The following CELF5 variants were observed in gnomAD, a reference collection of about 807,000 sequenced individuals.
CELF5 encodes the protein CUG-BP and ETR-3 like factor 5.
A neutral mutation model predicts 54.9 loss-of-function variants in CELF5; 6 were observed. That is an observed-to-expected ratio of 0.11 (90% CI 0.06 to 0.22). The LOEUF (loss-of-function observed/expected upper bound fraction) is 0.22. Among genes scored for constraint, CELF5 ranks in the 10% least tolerant of loss-of-function variants. The probability of loss-of-function intolerance (pLI) is 1.00; values close to 1 mark genes in which losing one functional copy is unlikely to be tolerated. For missense variants in CELF5, 401 were observed against 678.6 expected, an observed-to-expected ratio of 0.59 and a Z score of 4.54; for synonymous variants, 271 against 290.9, an observed-to-expected ratio of 0.93 and a Z score of 0.70.
rs2080037701 is a variant in CELF5 at position 3,275,743 on chromosome 19, C to T, written c.395-113C>T. ...GCGCAGAACCGGAGCCGGCAGGGCC[C>T]GGGCGCCGCGTCTTCCTGCCCTGCC... On this transcript the variant is annotated intron_variant, in intron 3 of 12. Transcript: ENST00000292672. This position sits in a 1 kb window ranked among gnomAD's most constrained non-coding sequence, Gnocchi z 6.7. 5 of 1,188,320 alleles carry T rather than the reference C, an allele frequency of 4.2e-6. No individual in the cohort carries two copies. Among genetic ancestry groups the T allele is most frequent in the Non-Finnish European group, 5.7e-6 (5 of 874,870 alleles). The allele number at this position is 1,188,320 out of a possible 1,614,324, so 73.6% of individuals were successfully genotyped here.
At chr19:3,249,270 C>T (rs1269989210) in intron 1 of CELF5, among the ~76,000 whole-genome samples, 1 of 152,126 alleles carries the variant, frequency 6.6e-6, no homozygotes, top group Non-Finnish European at 1.5e-5. Context: ...CCACTCAGTC[C>T]CCTGTATCCA....
chr19:3,271,745 C>G (rs1258286576), intron 2 of CELF5, among the ~76,000 whole-genome samples: 1 of 151,858 alleles, frequency 6.6e-6, no homozygotes, highest in Non-Finnish European at 1.5e-5. Context: ...AGAGGGGTCT[C>G]TGAGGAGGGG....
At chr19:3,264,567 C>T (rs1225195170) in intron 2 of CELF5, among the ~76,000 whole-genome samples, 2 of 152,030 alleles carry the variant, frequency 1.3e-5, no homozygotes, top group African/African-American at 4.8e-5. Flanking sequence ...AGGCACCCGC[C>T]ACCACGCCCG....
At position 3,282,333 on chromosome 19, in the gene CELF5, A is replaced by G; in HGVS notation, c.893-19A>G. 6.2e-7 allele frequency: 1 copy of G among 1,608,210 alleles called. No individual in the cohort carries two copies. The highest frequency in any genetic ancestry group is 8.5e-7 in the Non-Finnish European group (1 of 1,179,740). ...TGGAGCCAGAACTGGCCTCCCCATGACCCTCTTCCGCTCTGCAGGGCTGCA... is the reference window on the plus strand; with the variant it reads ...TGGAGCCAGAACTGGCCTCCCCATGGCCCTCTTCCGCTCTGCAGGGCTGCA... On this transcript the variant is annotated intron_variant, in intron 7 of 12. Coordinates refer to ENST00000292672, the MANE Select transcript of CELF5 (RefSeq NM_021938.4). The surrounding 1 kb of genome is among the most constrained non-coding windows in gnomAD (Gnocchi z 5.2).
At position 3,234,984 on chromosome 19, in the gene CELF5, G is replaced by A. The variant is rs896941116; in HGVS notation, c.259+9986G>A. On this transcript the variant is annotated intron_variant, in intron 1 of 12. Coordinates refer to ENST00000292672, the MANE Select transcript of CELF5 (RefSeq NM_021938.4). ...GTCCCTCCTCTGCCTGCAGCCCTCC[G>A]TGGCTCCCACCTCCCTTAGAGTCAA... Among the ~76,000 whole-genome samples the A allele has an allele frequency of 5.3e-5, 8 of 151,888 alleles. 1 individual carries two copies. The highest frequency in any genetic ancestry group is 1.0e-4 in the Non-Finnish European group (7 of 67,970).
rs1362504065 is a variant in CELF5, at chr19:3,265,271, G to A, written c.343-8601G>A. Among the ~76,000 whole-genome samples the A allele has an allele frequency of 3.3e-5, 5 of 152,206 alleles. No homozygotes were observed. The East Asian group carries it at 9.6e-4, about 29-fold the overall frequency. ...GAGGAGCATTTGAGCCCAGGAGATT[G>A]AGGATGCAGTGAGCTATTGATGCAA... On this transcript the variant is annotated intron_variant, in intron 2 of 12. Transcript: ENST00000292672.
At chr19:3,264,056 A>C (rs1004456122) in intron 2 of CELF5, among the ~76,000 whole-genome samples, 1 of 151,960 alleles carries the variant, frequency 6.6e-6, no homozygotes, top group Admixed American at 6.6e-5. Flanking sequence ...ACTAAGCCCA[A>C]CTCTTTTCTT....
intron 11 of CELF5, among the ~76,000 whole-genome samples, chr19:3,290,696 T>C (rs1599489537): frequency 2.0e-5 from 3 of 150,766 alleles, no homozygotes; most frequent in East Asian, 3.9e-4. Flanking sequence ...CCTAAGTAGC[T>C]GGGACTACAG....
At chr19:3,245,877 A>G (rs1298026431) in intron 1 of CELF5, among the ~76,000 whole-genome samples, 2 of 152,230 alleles carry the variant, frequency 1.3e-5, no homozygotes, top group Admixed American at 1.3e-4. Context: ...AATGAAATAC[A>G]ACTGCACGCC....
intron 1 of CELF5, among the ~76,000 whole-genome samples, chr19:3,225,978 ATC>A (rs1266124720): frequency 2.0e-5 from 3 of 152,136 alleles, no homozygotes; most frequent in Non-Finnish European, 4.4e-5. Context: ...CTCCGATGGC[ATC>A]CCGGGTGGGG....
At chr19:3,290,541 T>C (rs558895676) in intron 11 of CELF5, among the ~76,000 whole-genome samples, 167 bp downstream of exon 11, 3 of 148,472 alleles carry the variant, frequency 2.0e-5, no homozygotes, top group East Asian at 4.0e-4. Flanking sequence ...TCCCAGCACT[T>C]TGTTTGTTTT....
Position 3,279,508 on chromosome 19 carries a change from C to T in CELF5, c.603+1398C>T, listed in dbSNP as rs562989119. On this transcript the variant is annotated intron_variant, in intron 5 of 12. Coordinates refer to ENST00000292672, the MANE Select transcript of CELF5 (RefSeq NM_021938.4). ...GATGTCCCAGGACAGGGCTGGTAGG[C>T]GTCTGGAGGAGTGAGTTCTCTATCG... 4.5e-4 allele frequency among the ~76,000 whole-genome samples: 69 copies of T among 152,192 alleles called. 1 individual carries two copies. The highest frequency in any genetic ancestry group is 1.6e-3 in the African/African-American group (67 of 41,522).
chr19:3,264,708 A>G (rs1599439261), intron 2 of CELF5, among the ~76,000 whole-genome samples: 1 of 123,296 alleles, frequency 8.1e-6, no homozygotes, highest in Non-Finnish European at 1.7e-5. Flanking sequence ...GAGCCACCAC[A>G]CCCGGCCTTT....
intron 1 of CELF5, among the ~76,000 whole-genome samples, chr19:3,231,189 G>A (rs1287507743): frequency 2.0e-5 from 3 of 152,178 alleles, no homozygotes; most frequent in Non-Finnish European, 2.9e-5. Context: ...AGCTCTAGGA[G>A]GGCAGAAATT....
At chr19:3,249,395 C>A (rs535898412) in intron 1 of CELF5, among the ~76,000 whole-genome samples, 1 of 152,172 alleles carries the variant, frequency 6.6e-6, no homozygotes, top group Non-Finnish European at 1.5e-5. Flanking sequence ...TCTTGACTTG[C>A]TTGTCTCCTG....
chr19:3,271,745 C>T (rs1258286576), intron 2 of CELF5, among the ~76,000 whole-genome samples: 5 of 151,858 alleles, frequency 3.3e-5, no homozygotes, highest in Non-Finnish European at 7.4e-5. Flanking sequence ...AGAGGGGTCT[C>T]TGAGGAGGGG....
At chr19:3,231,485 GAT>G (rs1917253464) in intron 1 of CELF5, among the ~76,000 whole-genome samples, 1 of 147,562 alleles carries the variant, frequency 6.8e-6, no homozygotes, top group Admixed American at 6.7e-5. Context: ...TGGATGGATG[GAT>G]GGATGGGTGG....
chr19:3,288,381 G>A (rs2080287651), intron 10 of CELF5, among the ~76,000 whole-genome samples: 4 of 152,082 alleles, frequency 2.6e-5, no homozygotes, highest in African/African-American at 9.6e-5. Flanking sequence ...AATTAGCCGG[G>A]CGTGGTGACG....
intron 1 of CELF5, among the ~76,000 whole-genome samples, chr19:3,239,267 T>C (rs577557023): frequency 1.0e-3 from 151 of 151,706 alleles, no homozygotes; most frequent in South Asian, 8.6e-3. Context: ...ACCCAGCTGT[T>C]TGTTTTTTTT....
Sources: gnomAD v4.1 joint callset for allele counts (sites outside exome capture counted in the v4.1 genomes callset) on GRCh38, gnomAD v4.1.1 for gene constraint, Gnocchi (gnomAD v3.1) non-coding constraint, MANE v1.5 for transcripts, NCBI Gene and HGNC (gene_info 2026-07-23, HGNC 2026-07-21) for gene names.